The following DUSP10 variants were observed in gnomAD, a reference collection of about 807,000 sequenced individuals.
The protein encoded by DUSP10 is dual specificity protein phosphatase 10.
DUSP10 carries 14 observed loss-of-function variants against 30.8 expected under a neutral mutation model. The observed-to-expected ratio is 0.46, with a 90% CI of 0.30 to 0.71. DUSP10 has a LOEUF of 0.71. Among genes scored for constraint, DUSP10 ranks in the 30% least tolerant of loss-of-function variants. DUSP10 has a pLI of 0.08. For synonymous variants in DUSP10, 254 were observed against 250.4 expected, an observed-to-expected ratio of 1.01 and a Z score of -0.14; for missense variants, 550 against 619.4, an observed-to-expected ratio of 0.89 and a Z score of 1.19.
At chr1:221,705,113 T>G (rs958575961) in intron 3 of DUSP10, among the ~76,000 whole-genome samples, 3 of 145,624 alleles carry the variant, frequency 2.1e-5, no homozygotes, top group African/African-American at 8.0e-5. Context: ...TTTTGAGTGT[T>G]TTTTTTTTTT....
intron 3 of DUSP10, among the ~76,000 whole-genome samples, chr1:221,704,087 GAATA>G (rs1483204854): frequency 6.6e-6 from 1 of 152,096 alleles, no homozygotes; most frequent in Non-Finnish European, 1.5e-5. Flanking sequence ...CTTGATTCAG[GAATA>G]AATAAACTGG....
chr1:221,717,889 G>A (rs1444206506), intron 2 of DUSP10, among the ~76,000 whole-genome samples: 2 of 152,024 alleles, frequency 1.3e-5, no homozygotes, highest in Non-Finnish European at 2.9e-5. Context: ...TCCAGTCTAC[G>A]GCATTTGGTT....
rs1136448 is a variant in DUSP10, at chr1:221,739,466, T to C, written c.279A>G (p.Gln93=). 0.41 allele frequency: 656,879 copies of C among 1,613,828 alleles called. 137,803 individuals are homozygous for C. Among genetic ancestry groups the C allele is most frequent in the South Asian group, 0.46 (41,511 of 91,074 alleles). Residue 93 remains glutamine, a synonymous_variant, in exon 2 of 4, where the codon CAA becomes CAG. Transcript: ENST00000366899. Reference sequence around the variant, plus strand: ...TGGTGCCAGCGGCAATGGCTTGGGTTTGGGCCTGATTGTCCTTGTCGTAGG... The same window carrying C: ...TGGTGCCAGCGGCAATGGCTTGGGTCTGGGCCTGATTGTCCTTGTCGTAGG... ...VATYDKDNQA[Q]TQAIAAGTTT...
chr1:221,730,624 TGTAA>T (rs1012543028), intron 2 of DUSP10, among the ~76,000 whole-genome samples: 8 of 152,230 alleles, frequency 5.3e-5, no homozygotes, highest in African/African-American at 1.7e-4. Context: ...CTTTTCTTTC[TGTAA>T]GTGATTCTCT....
chr1:221,731,600 CTTTTTTT>C (rs917122714), intron 2 of DUSP10, among the ~76,000 whole-genome samples: 6 of 119,236 alleles, frequency 5.0e-5, no homozygotes, highest in Admixed American at 1.7e-4. Flanking sequence ...TAGGCTATTT[CTTTTTTT>C]TTTTTTTTTT....
At chr1:221,713,619 T>C (rs1465985564) in intron 2 of DUSP10, among the ~76,000 whole-genome samples, 3 of 152,362 alleles carry the variant, frequency 2.0e-5, no homozygotes, top group South Asian at 4.1e-4. Flanking sequence ...CAACAACTTA[T>C]TATATGTATA....
chr1:221,716,394 C>A (rs1483309773), intron 2 of DUSP10, among the ~76,000 whole-genome samples: 1 of 152,162 alleles, frequency 6.6e-6, no homozygotes, highest in Non-Finnish European at 1.5e-5. Context: ...AGTCCCTCTG[C>A]CAGAGGGGCA....
At chr1:221,731,826 C>G (rs957765707) in intron 2 of DUSP10, among the ~76,000 whole-genome samples, 13 of 151,820 alleles carry the variant, frequency 8.6e-5, no homozygotes, top group Non-Finnish European at 1.8e-4. Context: ...CCAGGATGGT[C>G]TCAATCTCTT....
intron 2 of DUSP10, among the ~76,000 whole-genome samples, chr1:221,724,526 A>G (rs1661369665): frequency 6.6e-6 from 1 of 152,192 alleles, no homozygotes; most frequent in Non-Finnish European, 1.5e-5. Context: ...TTACACCTAC[A>G]GCACATCTCT....
At chr1:221,727,898 T>A (rs1167056454) in intron 2 of DUSP10, among the ~76,000 whole-genome samples, 1 of 152,132 alleles carries the variant, frequency 6.6e-6, no homozygotes, top group Non-Finnish European at 1.5e-5. Flanking sequence ...TTTGAATATG[T>A]CCCCCAAAGT....
chr1:221,727,105 C>A (rs1028874832), intron 2 of DUSP10, among the ~76,000 whole-genome samples: 2 of 152,118 alleles, frequency 1.3e-5, no homozygotes, highest in Non-Finnish European at 2.9e-5. Flanking sequence ...TAATAATTGG[C>A]AAAATCAGAA....
Position 221,739,597 on chromosome 1 carries a change from C to A in DUSP10, c.148G>T (p.Val50Phe). Reference sequence around the variant, plus strand: ...AGATTCGCAGCCTTGAGGGACACAACGGTGGTGGCGATGACAGGAGGGTGG... The same window carrying A: ...AGATTCGCAGCCTTGAGGGACACAAAGGTGGTGGCGATGACAGGAGGGTGG... ...NSHPPVIATT[V>F]VSLKAANLTY... The change falls in exon 2 of 4, where the codon GTT becomes TTT. Residue 50 changes from valine (V) to phenylalanine (F), a missense_variant. Physicochemically the swap from Val to Phe is conservative, Grantham distance 50. Coordinates refer to ENST00000366899, the MANE Select transcript of DUSP10 (RefSeq NM_007207.6). 6.2e-7 allele frequency: 1 copy of A among 1,614,068 alleles called. No homozygotes were observed. The highest frequency in any genetic ancestry group is 1.1e-5 in the South Asian group (1 of 91,078).
chr1:221,709,322 C>T (rs569605323), intron 2 of DUSP10, among the ~76,000 whole-genome samples: 2 of 151,914 alleles, frequency 1.3e-5, no homozygotes, highest in African/African-American at 4.8e-5. Context: ...GGAAAAAAAC[C>T]CGTGGCGGAG....
chr1:221,715,133 T>G (rs1003514404), intron 2 of DUSP10, among the ~76,000 whole-genome samples: 1 of 152,370 alleles, frequency 6.6e-6, no homozygotes, highest in Non-Finnish European at 1.5e-5. Flanking sequence ...CCTTGTTTGA[T>G]AAAACCTTTG....
intron 3 of DUSP10, among the ~76,000 whole-genome samples, chr1:221,705,393 G>A (rs1487944619): frequency 2.0e-5 from 3 of 152,198 alleles, no homozygotes; most frequent in South Asian, 4.1e-4. Context: ...TTACAGGCAT[G>A]AGCCACCGCG....
chr1:221,737,445 A>G, intron 2 of DUSP10: 1 of 985,350 alleles, frequency 1.0e-6, no homozygotes, highest in Non-Finnish European at 1.2e-6. Flanking sequence ...GAATCACTCA[A>G]AGTCAACCAT....
chr1:221,715,237 A>T (rs372589979), intron 2 of DUSP10, among the ~76,000 whole-genome samples: 6 of 152,350 alleles, frequency 3.9e-5, no homozygotes, highest in African/African-American at 1.4e-4. Context: ...TGATTTAGGA[A>T]TTGTGATTTA....
chr1:221,721,988 G>A (rs922242178), intron 2 of DUSP10, among the ~76,000 whole-genome samples: 15 of 152,100 alleles, frequency 9.9e-5, no homozygotes, highest in Admixed American at 8.5e-4. Context: ...CACCAACCCC[G>A]GGTGGCCCTG....
intron 2 of DUSP10, 101 bp downstream of exon 2, chr1:221,738,833 C>G: frequency 6.9e-7 from 1 of 1,453,790 alleles, no homozygotes; most frequent in Non-Finnish European, 9.2e-7. Context: ...CTATTTTGGT[C>G]TTTGGTAGCC....
Sources: gnomAD v4.1 joint callset for allele counts (sites outside exome capture counted in the v4.1 genomes callset) on GRCh38, gnomAD v4.1.1 for gene constraint, MANE v1.5 for transcripts, NCBI Gene and HGNC (gene_info 2026-07-23, HGNC 2026-07-21) for gene names.